Variants in DCC observed in about 807,000 individuals in gnomAD.
The protein encoded by DCC is DCC netrin 1 receptor, also known as netrin receptor DCC.
Under a neutral mutation model 172.5 loss-of-function variants are expected in DCC, and 58 were observed. That is an observed-to-expected ratio of 0.34 (90% CI 0.27 to 0.42). The LOEUF (loss-of-function observed/expected upper bound fraction) is 0.42, where lower values mean the gene tolerates loss of function less well. DCC is among the 10% of genes least tolerant of loss of function. DCC has a pLI of 1.00. For missense variants in DCC, 1,740 were observed against 1,791.0 expected (o/e 0.97, Z 0.51); for synonymous variants, 709 against 644.5 (o/e 1.10, Z -1.52).
At chr18:53,329,297 A>G (rs1599030048) in intron 14 of DCC, among the ~76,000 whole-genome samples, 3 of 151,972 alleles carry the variant, frequency 2.0e-5, no homozygotes, top group African/African-American at 7.3e-5. Context: ...GGCAAGAAAA[A>G]CTTTAAAAAT....
At chr18:53,210,978 T>C (rs997979323) in intron 11 of DCC, among the ~76,000 whole-genome samples, 1 of 152,084 alleles carries the variant, frequency 6.6e-6, no homozygotes, top group African/African-American at 2.4e-5. Context: ...ACTGAGATTA[T>C]ACAGCATATG....
intron 2 of DCC, among the ~76,000 whole-genome samples, chr18:52,878,116 T>C (rs1321058748): frequency 6.6e-6 from 1 of 152,058 alleles, no homozygotes; most frequent in Admixed American, 6.5e-5. Context: ...TTTCCTAACG[T>C]TCCTCTCTCA....
At chr18:52,541,875 G>GTGTATATATATATATATATATATATGTA (rs1555695194) in intron 1 of DCC, among the ~76,000 whole-genome samples, 21 of 115,184 alleles carry the variant, frequency 1.8e-4, no homozygotes, top group African/African-American at 6.6e-4. Flanking sequence ...GTGTGTGTGT[G>GTGTATATATATATATATATATATATGTA]TATATATATA....
intron 1 of DCC, among the ~76,000 whole-genome samples, chr18:52,405,032 T>C (rs1207026341): frequency 6.6e-6 from 1 of 151,930 alleles, no homozygotes; most frequent in Non-Finnish European, 1.5e-5. Flanking sequence ...ATGGTGTATA[T>C]GTGCCACATT....
chr18:52,984,868 C>G (rs1156756846), intron 5 of DCC, among the ~76,000 whole-genome samples: 2 of 152,024 alleles, frequency 1.3e-5, no homozygotes, highest in Admixed American at 6.6e-5. Context: ...CAAAACATAT[C>G]TTAATTTTCT....
intron 2 of DCC, among the ~76,000 whole-genome samples, chr18:52,904,577 A>T (rs893224973): frequency 6.6e-6 from 1 of 152,212 alleles, no homozygotes; most frequent in East Asian, 1.9e-4. Context: ...ATTAAAACTA[A>T]GGGTAATTAA....
chr18:53,023,398 G>A (rs2041910128), intron 5 of DCC, among the ~76,000 whole-genome samples: 4 of 102,988 alleles, frequency 3.9e-5, no homozygotes, highest in Non-Finnish European at 5.5e-5. Context: ...ATATAACTCA[G>A]ACCAAAAAAA....
intron 7 of DCC, among the ~76,000 whole-genome samples, chr18:53,141,840 T>G (rs1197476392): frequency 6.6e-6 from 1 of 152,228 alleles, no homozygotes; most frequent in Admixed American, 6.5e-5. Flanking sequence ...TTATGATTAC[T>G]TTTCATTTTC....
chr18:52,658,097 A>G (rs1276249443), intron 1 of DCC, among the ~76,000 whole-genome samples: 1 of 152,190 alleles, frequency 6.6e-6, no homozygotes, highest in Non-Finnish European at 1.5e-5. Context: ...TTGACTTCCT[A>G]TGTTTATGAC....
chr18:52,529,152 T>C (rs2032071887), intron 1 of DCC, among the ~76,000 whole-genome samples: 1 of 152,232 alleles, frequency 6.6e-6, no homozygotes, highest in Non-Finnish European at 1.5e-5. Flanking sequence ...CTAAATGTTA[T>C]TGCTATGCAA....
At chr18:52,835,214 C>T (rs2116378) in intron 2 of DCC, among the ~76,000 whole-genome samples, 66,607 of 151,912 alleles carry the variant, frequency 0.44, 14,785 homozygotes, top group South Asian at 0.55. Context: ...TGGTTGTTGC[C>T]ATAAATCCTG....
intron 2 of DCC, among the ~76,000 whole-genome samples, chr18:52,903,560 T>C (rs1254553158): frequency 6.6e-6 from 1 of 152,190 alleles, no homozygotes; most frequent in Admixed American, 6.6e-5. Context: ...GAGCCATAAA[T>C]CTGAATATAT....
intron 1 of DCC, among the ~76,000 whole-genome samples, chr18:52,658,984 A>G (rs2035308296): frequency 6.6e-6 from 1 of 152,212 alleles, no homozygotes; most frequent in Non-Finnish European, 1.5e-5. Flanking sequence ...CTGCTGGTAA[A>G]TTGAAAAGTT....
intron 5 of DCC, among the ~76,000 whole-genome samples, chr18:53,004,273 G>T (rs11660498): frequency 2.0e-5 from 3 of 152,126 alleles, no homozygotes; most frequent in African/African-American, 7.2e-5. Context: ...AAGGGCCTTA[G>T]CCCTCTATAA....
chr18:53,380,714 TTGACCTTACC>T (rs1437181974), intron 15 of DCC, among the ~76,000 whole-genome samples: 1 of 152,196 alleles, frequency 6.6e-6, no homozygotes, highest in Non-Finnish European at 1.5e-5. Context: ...AGAAAAACCA[TTGACCTTACC>T]TGAGCCTCAA....
At chr18:52,824,639 AG>A (rs1194338316) in intron 2 of DCC, among the ~76,000 whole-genome samples, 2 of 152,200 alleles carry the variant, frequency 1.3e-5, no homozygotes, top group African/African-American at 4.8e-5. Context: ...TAAAGATGAC[AG>A]AACCCTTCAT....
chr18:52,510,342 C>T (rs75877727), intron 1 of DCC, among the ~76,000 whole-genome samples: 3,189 of 152,250 alleles, frequency 0.021, 93 homozygotes, highest in African/African-American at 0.07. Flanking sequence ...CAGCTGCGGG[C>T]TCAGGTCTTT....
chr18:52,676,578 C>T (rs2035650356), intron 1 of DCC, among the ~76,000 whole-genome samples: 3 of 152,250 alleles, frequency 2.0e-5, no homozygotes, highest in Admixed American at 2.0e-4. Context: ...GAGGCCACGA[C>T]TTGGGAAACA....
At chr18:52,957,680 C>T (rs529292161) in intron 5 of DCC, among the ~76,000 whole-genome samples, 1 of 152,072 alleles carries the variant, frequency 6.6e-6, no homozygotes, top group African/African-American at 2.4e-5. Flanking sequence ...TCAGGAAGGA[C>T]CATGAGAAAT....
Sources: allele counts gnomAD v4.1 joint callset (sites outside exome capture counted in the v4.1 genomes callset), GRCh38; gene constraint gnomAD v4.1.1; transcripts MANE v1.5; gene names NCBI Gene and HGNC (gene_info 2026-07-23, HGNC 2026-07-21).